MYO1H: variants seen among roughly 807,000 people sequenced by gnomAD.
The protein encoded by MYO1H is unconventional myosin-Ih.
In MYO1H, 118 loss-of-function variants were observed where a neutral mutation model predicts 149.3. That is an observed-to-expected ratio of 0.79 (90% CI 0.68 to 0.92). The LOEUF (loss-of-function observed/expected upper bound fraction) is 0.92, where lower values mean the gene tolerates loss of function less well. Among genes scored for constraint, MYO1H ranks in the 40% least tolerant of loss-of-function variants. MYO1H has a pLI of 0.00. For synonymous variants in MYO1H, 447 were observed against 465.2 expected (o/e 0.96, Z 0.50); for missense variants, 1,212 against 1,280.7 (o/e 0.95, Z 0.82).
the MYO1H span, among the ~76,000 whole-genome samples, chr12:109,312,322 C>T: frequency 1.3e-5 from 2 of 152,172 alleles, no homozygotes; most frequent in Non-Finnish European, 2.9e-5. Flanking sequence ...ACGCCATTCT[C>T]CTGCCTCAGC....
At chr12:109,347,157 C>G (rs2048105454), upstream of MYO1H, among the ~76,000 whole-genome samples, 1 of 152,196 alleles carries the variant, frequency 6.6e-6, no homozygotes, top group African/African-American at 2.4e-5. Flanking sequence ...TGTCCATACC[C>G]TTAGCCATGA....
intron 1 of MYO1H, among the ~76,000 whole-genome samples, chr12:109,378,254 G>C (rs1212569832): frequency 6.6e-6 from 1 of 152,014 alleles, no homozygotes; most frequent in Non-Finnish European, 1.5e-5. Flanking sequence ...TTAATCTTTG[G>C]AGGAGCTACC....
intron 6 of MYO1H, 132 bp downstream of exon 6, chr12:109,401,404 A>G: frequency 1.1e-6 from 1 of 891,208 alleles, no homozygotes; most frequent in Non-Finnish European, 1.7e-6. Flanking sequence ...TGATTTCTCC[A>G]TATATATATC....
At chr12:109,443,482 CCTT>C in intron 27 of MYO1H, 29 bp from the exon 28 acceptor site, 1 of 1,607,512 alleles carries the variant, frequency 6.2e-7, no homozygotes, top group African/African-American at 1.3e-5. Flanking sequence ...CTCTGCCCCA[CCTT>C]CCCTGGTGAA....
At chr12:109,332,256 T>TA in the MYO1H span, among the ~76,000 whole-genome samples, 1 of 152,238 alleles carries the variant, frequency 6.6e-6, no homozygotes, top group African/African-American at 2.4e-5. Context: ...TTAAAGGTGA[T>TA]ATGTCTGCCA....
chr12:109,318,966 G>GTTTT, the MYO1H span, among the ~76,000 whole-genome samples: 8 of 61,254 alleles, frequency 1.3e-4, no homozygotes, highest in South Asian at 6.1e-4. Context: ...CTGCGTTTTT[G>GTTTT]GTTTTGTTTT....
intron 2 of MYO1H, among the ~76,000 whole-genome samples, 174 bp downstream of exon 2, chr12:109,389,018 C>G (rs543127764): frequency 6.6e-6 from 1 of 152,084 alleles, no homozygotes; most frequent in Non-Finnish European, 1.5e-5. Flanking sequence ...TATGGCTGCC[C>G]GTGACAGAGA....
the MYO1H span, among the ~76,000 whole-genome samples, chr12:109,319,462 T>G: frequency 6.6e-6 from 1 of 152,176 alleles, no homozygotes; most frequent in African/African-American, 2.4e-5. Context: ...ATATAGAGTT[T>G]CTGATTTTCA....
intron 6 of MYO1H, 138 bp downstream of exon 6, chr12:109,401,410 A>G (rs1592794826): frequency 2.4e-6 from 2 of 844,674 alleles, no homozygotes; most frequent in Non-Finnish European, 3.5e-6. Context: ...CTCCATATAT[A>G]TATCACAAGC....
the MYO1H span, among the ~76,000 whole-genome samples, chr12:109,325,414 A>T: frequency 6.6e-6 from 1 of 152,204 alleles, no homozygotes; most frequent in African/African-American, 2.4e-5. Flanking sequence ...AACCCTTCCT[A>T]AAAATATCTT....
At chr12:109,402,081 C>G (rs1357128357) in intron 6 of MYO1H, among the ~76,000 whole-genome samples, 1 of 152,154 alleles carries the variant, frequency 6.6e-6, no homozygotes, top group East Asian at 1.9e-4. Flanking sequence ...TCCACCTTGA[C>G]AAATGTTTGC....
chr12:109,316,346 T>C, the MYO1H span, among the ~76,000 whole-genome samples: 1 of 152,198 alleles, frequency 6.6e-6, no homozygotes, highest in Non-Finnish European at 1.5e-5. Context: ...CTTACTACTA[T>C]TGTGTGTTCG....
At chr12:109,324,004 C>T in the MYO1H span, among the ~76,000 whole-genome samples, 1 of 124,228 alleles carries the variant, frequency 8.0e-6, no homozygotes. Flanking sequence ...TAGTGAGACC[C>T]TGACTCAAGA....
At chr12:109,400,966 CA>C (rs1393169427) in intron 5 of MYO1H, 126 bp from the exon 6 acceptor site, 111 of 855,454 alleles carry the variant, frequency 1.3e-4, no homozygotes, top group South Asian at 2.6e-4. Flanking sequence ...TTGATATGTC[CA>C]AAAAAAAGAA....
Position 109,387,684 on chromosome 12 carries a change from G to A in MYO1H, c.13-999G>A, listed in dbSNP as rs142313724. Among the ~76,000 whole-genome samples, 141 of 152,294 alleles carry A rather than the reference G, an allele frequency of 9.3e-4. 1 individual carries two copies. Among genetic ancestry groups the A allele is most frequent in the African/African-American group, 3.1e-3 (129 of 41,568 alleles). Reference sequence around the variant, plus strand: ...TATGTGGGGGGGACACACACTAACCGTGTGCCCAGAGCACATAGTCTCTCA... The same window carrying A: ...TATGTGGGGGGGACACACACTAACCATGTGCCCAGAGCACATAGTCTCTCA... On this transcript the variant is annotated intron_variant, in intron 1 of 31. Transcript: ENST00000310903.
the MYO1H span, among the ~76,000 whole-genome samples, chr12:109,313,371 G>A: frequency 6.6e-6 from 1 of 152,196 alleles, no homozygotes; most frequent in East Asian, 1.9e-4. Flanking sequence ...CCGTGGCACT[G>A]TGGAGCCGCC....
intron 15 of MYO1H, 134 bp from the exon 16 acceptor site, chr12:109,420,847 G>A (rs1871141948): frequency 5.9e-6 from 4 of 676,706 alleles, no homozygotes; most frequent in Non-Finnish European, 1.1e-5. Context: ...AATACCCATA[G>A]TGCCAAGGTT....
At chr12:109,442,535 C>T (rs964686684) in intron 27 of MYO1H, among the ~76,000 whole-genome samples, 3 of 152,172 alleles carry the variant, frequency 2.0e-5, no homozygotes, top group Non-Finnish European at 4.4e-5. Context: ...GAAGTGTAGC[C>T]ATGAACTTAA....
the MYO1H span, among the ~76,000 whole-genome samples, chr12:109,318,356 G>A: frequency 1.6e-4 from 24 of 151,932 alleles, no homozygotes; most frequent in South Asian, 1.3e-3. Flanking sequence ...GGAGGTAGAG[G>A]CTAATTTTCC....
Sources: gnomAD v4.1 joint callset for allele counts (sites outside exome capture counted in the v4.1 genomes callset) on GRCh38, gnomAD v4.1.1 for gene constraint, MANE v1.5 for transcripts, NCBI Gene and HGNC (gene_info 2026-07-23, HGNC 2026-07-21) for gene names.